The following CRISPLD1 variants were observed in gnomAD, a reference collection of about 807,000 sequenced individuals.
CRISPLD1 encodes the protein cysteine-rich secretory protein LCCL domain-containing 1.
In CRISPLD1, 60 loss-of-function variants were observed where a neutral mutation model predicts 77.5. The observed-to-expected ratio is 0.77, with a 90% CI of 0.63 to 0.96. CRISPLD1 has a LOEUF of 0.96. Ranked by LOEUF, CRISPLD1 falls within the 40% of genes least tolerant of loss-of-function variation. The pLI is 0.00. For synonymous variants in CRISPLD1, 195 were observed against 200.1 expected (o/e 0.97, Z 0.22); for missense variants, 623 against 615.8 (o/e 1.01, Z -0.12).
intron 6 of CRISPLD1, among the ~76,000 whole-genome samples, chr8:75,015,901 C>CT (rs552798822): frequency 4.0e-5 from 6 of 151,198 alleles, no homozygotes; most frequent in African/African-American, 1.5e-4. Flanking sequence ...TGACTTCATA[C>CT]TTTTTTTTTA....
At chr8:75,030,413 A>C (rs1370524275) in intron 14 of CRISPLD1, among the ~76,000 whole-genome samples, 1 of 152,146 alleles carries the variant, frequency 6.6e-6, no homozygotes, top group African/African-American at 2.4e-5. Flanking sequence ...CCTTAAACAG[A>C]ATAATATATA....
At chr8:75,002,479 G>T (rs536898863) in intron 2 of CRISPLD1, among the ~76,000 whole-genome samples, 41 of 144,560 alleles carry the variant, frequency 2.8e-4, no homozygotes, top group Non-Finnish European at 1.5e-5. Context: ...CAATAACTAG[G>T]GTTCAACAGT....
At chr8:75,017,805 T>A (rs2128786473) in intron 10 of CRISPLD1, among the ~76,000 whole-genome samples, 1 of 152,280 alleles carries the variant, frequency 6.6e-6, no homozygotes, top group African/African-American at 2.4e-5. Flanking sequence ...TTAGGGAAAA[T>A]GGCTTATTTC....
chr8:74,986,011 G>A lies in CRISPLD1; in HGVS notation c.24G>A (p.Trp8Ter). 3.7e-6 allele frequency: 6 copies of A among 1,614,130 alleles called. No individual in the cohort carries two copies. Among genetic ancestry groups the A allele is most frequent in the Non-Finnish European group, 5.1e-6 (6 of 1,180,002 alleles). Residue 8 changes from tryptophan to a stop codon, truncating the protein, a stop_gained, in exon 2 of 15, where the codon TGG (tryptophan) becomes TGA (stop). Coordinates refer to ENST00000262207, the MANE Select transcript of CRISPLD1 (RefSeq NM_031461.6). LOFTEE classifies it high-confidence loss of function. MKCTARE[W>*]LRVTTVLFMA... The stretch of plus-strand genomic sequence containing the variant: ...TTATGAAGTGTACCGCGCGGGAGTG[G>A]CTCAGAGTAACCACAGTGCTGTTCA...
Position 75,024,636 on chromosome 8 carries a change from T to C in CRISPLD1, c.1245-910T>C, listed in dbSNP as rs565485226. Among the ~76,000 whole-genome samples the C allele has an allele frequency of 3.9e-5, 6 of 152,104 alleles. No individual in the cohort carries two copies. The South Asian group carries it at 1.2e-3, about 32-fold the overall frequency. ...CACTGCGCCTGGCTGGACTTGTACG[T>C]TTTAATATAAGTATGGAAAACAGAT... On this transcript the variant is annotated intron_variant, in intron 12 of 14. Coordinates refer to ENST00000262207, the MANE Select transcript of CRISPLD1 (RefSeq NM_031461.6).
chr8:75,014,152 G>T, intron 5 of CRISPLD1, 50 bp downstream of exon 5: 1 of 1,161,318 alleles, frequency 8.6e-7, no homozygotes, highest in Non-Finnish European at 1.3e-6. Context: ...TTAACAAAAT[G>T]AAAATACCTT....
At position 75,013,999 on chromosome 8, in the gene CRISPLD1, A is replaced by G. The variant is rs1167817081; in HGVS notation, c.523A>G (p.Thr175Ala). The G allele has an allele frequency of 6.2e-7, 1 of 1,612,410 alleles. No homozygotes were observed. Among genetic ancestry groups the G allele is most frequent in the Non-Finnish European group, 8.5e-7 (1 of 1,178,726 alleles). ...CTHYTQVVWATSNRIGCAINL... is the reference protein window; with the variant it reads ...CTHYTQVVWAASNRIGCAINL... ...TTTTCTAACATAGGTCGTGTGGGCA[A>G]CTAGTAACAGAATCGGTTGTGCCAT... Residue 175 changes from threonine (T) to alanine (A), a missense_variant, in exon 5 of 15, where the codon ACT (threonine) becomes GCT (alanine). Thr to Ala is a moderately conservative substitution (Grantham distance 58). Transcript: ENST00000262207.
In CRISPLD1 at chr8:75,029,503, A is replaced by G. The variant is rs533180709; in HGVS notation, c.1437A>G (p.Gly479=). The change falls in exon 14 of 15, where the codon GGA becomes GGG. Residue 479 remains glycine (G), a synonymous_variant. Transcript: ENST00000262207. ...CCTACATTGCTTCTTTTCAGAATGGAATCTTCTCAGAAAGGTAAAAACAAA... is the reference window on the plus strand; with the variant it reads ...CCTACATTGCTTCTTTTCAGAATGGGATCTTCTCAGAAAGGTAAAAACAAA... The part of the protein sequence containing the change: ...RKTYIASFQN[G]IFSESLQNPP... 45 of 1,613,532 alleles carry G rather than the reference A, an allele frequency of 2.8e-5. No individual in the cohort carries two copies. The highest frequency in any genetic ancestry group is 3.7e-5 in the Non-Finnish European group (44 of 1,179,670).
chr8:74,997,418 A>C (rs181725288), intron 2 of CRISPLD1, among the ~76,000 whole-genome samples: 2 of 136,814 alleles, frequency 1.5e-5, no homozygotes, highest in Admixed American at 1.4e-4. Context: ...CTGACACAGG[A>C]GGAGAAACAG....
chr8:75,025,483 CTAA>C, intron 12 of CRISPLD1, 60 bp from the exon 13 acceptor site: 1 of 622,390 alleles, frequency 1.6e-6, no homozygotes, highest in African/African-American at 1.9e-5. Flanking sequence ...TGTGGTTTTA[CTAA>C]TAAGAAAGAC....
chr8:75,000,089 G>A, intron 2 of CRISPLD1: 1 of 957,088 alleles, frequency 1.0e-6, no homozygotes, highest in Non-Finnish European at 1.2e-6. Flanking sequence ...AGTGAACATG[G>A]GAGTTACTGT....
chr8:75,019,628 A>G (rs928790066), intron 10 of CRISPLD1, among the ~76,000 whole-genome samples: 1 of 151,900 alleles, frequency 6.6e-6, no homozygotes, highest in African/African-American at 2.4e-5. Context: ...GCTATTATCT[A>G]TATGTTTTTG....
chr8:75,014,833 C>T lies in CRISPLD1; in HGVS notation c.648C>T (p.Ala216=). The change falls in exon 6 of 15, where the codon GCC becomes GCT. Residue 216 remains alanine (A), a synonymous_variant. Transcript: ENST00000262207. ...YSPKGNWWGH[A]PYKHGRPCSA... ...AAAGGGGAAACTGGTGGGGCCATGCCCCTTACAAACATGGGCGGCCCTGTT... is the reference window on the plus strand; with the variant it reads ...AAAGGGGAAACTGGTGGGGCCATGCTCCTTACAAACATGGGCGGCCCTGTT... 1 of 1,595,020 alleles carries T rather than the reference C, an allele frequency of 6.3e-7. No homozygotes were observed. Among genetic ancestry groups the T allele is most frequent in the African/African-American group, 1.4e-5 (1 of 73,178 alleles).
intron 14 of CRISPLD1, among the ~76,000 whole-genome samples, chr8:75,030,595 C>G (rs1433615390): frequency 6.6e-6 from 1 of 151,710 alleles, no homozygotes; most frequent in East Asian, 1.9e-4. Context: ...TATGAATATT[C>G]CAGATGTTAG....
chr8:74,993,686 G>C (rs1812607957), intron 2 of CRISPLD1, among the ~76,000 whole-genome samples: 1 of 152,126 alleles, frequency 6.6e-6, no homozygotes, highest in Non-Finnish European at 1.5e-5. Flanking sequence ...ACATATCTAG[G>C]GGTTTAGAAA....
chr8:75,017,444 CAATT>C lies in CRISPLD1; in HGVS notation c.1122_1125del (p.Ile375AlafsTer14). 6.3e-7 allele frequency: 1 copy of C among 1,599,784 alleles called. No individual in the cohort carries two copies. The highest frequency in any genetic ancestry group is 8.5e-7 in the Non-Finnish European group (1 of 1,175,364). On this transcript the variant is annotated frameshift_variant and splice_region_variant, in exon 10 of 15. Coordinates refer to ENST00000262207, the MANE Select transcript of CRISPLD1 (RefSeq NM_031461.6). LOFTEE classifies it high-confidence loss of function. ...AAGTCCAATAGAAATGGTATTCAAA[CAATT>C]GGGTAAGTACCAAAATAATCTTTTG...
chr8:75,019,950 G>A, intron 11 of CRISPLD1, 37 bp downstream of exon 11: 2 of 1,609,784 alleles, frequency 1.2e-6, no homozygotes, highest in Non-Finnish European at 1.7e-6. Flanking sequence ...TTAGTACTGT[G>A]TAGTATGTTA....
At position 75,019,990 on chromosome 8, in the gene CRISPLD1, G is replaced by A. The variant is rs1478049002; in HGVS notation, c.1172-17G>A. The A allele has an allele frequency of 4.3e-6, 7 of 1,613,588 alleles. No individual in the cohort carries two copies. Among genetic ancestry groups the A allele is most frequent in the Admixed American group, 3.3e-5 (2 of 59,996 alleles). ...TTTCAAAGGATTCACTCATTGTTTT[G>A]TGTTTTAATTCTTCAGTTCAGGCTG... On this transcript the variant is annotated splice_polypyrimidine_tract_variant and intron_variant, in intron 11 of 14. Coordinates refer to ENST00000262207, the MANE Select transcript of CRISPLD1 (RefSeq NM_031461.6).
At chr8:75,002,027 T>A (rs1314394077) in intron 2 of CRISPLD1, among the ~76,000 whole-genome samples, 2 of 152,146 alleles carry the variant, frequency 1.3e-5, no homozygotes, top group East Asian at 3.8e-4. Flanking sequence ...CTTGGAGGCT[T>A]CAGTTGGAAA....
Sources: gnomAD v4.1 joint callset for allele counts (sites outside exome capture counted in the v4.1 genomes callset) on GRCh38, gnomAD v4.1.1 for gene constraint, MANE v1.5 for transcripts, NCBI Gene and HGNC (gene_info 2026-07-23, HGNC 2026-07-21) for gene names.